PITPNC1: variants seen among roughly 807,000 people sequenced by gnomAD.
PITPNC1 encodes cytoplasmic phosphatidylinositol transfer protein 1.
PITPNC1 carries 18 observed loss-of-function variants against 44.7 expected under a neutral mutation model. The observed-to-expected ratio is 0.40, with a 90% CI of 0.28 to 0.60. The LOEUF (loss-of-function observed/expected upper bound fraction) is 0.60. Among genes scored for constraint, PITPNC1 ranks in the 20% least tolerant of loss-of-function variants. PITPNC1 has a pLI of 0.39. For synonymous variants in PITPNC1, 141 were observed against 149.6 expected (o/e 0.94, Z 0.42); for missense variants, 290 against 418.4 (o/e 0.69, Z 2.68).
chr17:67,562,267 G>A (rs762348657), intron 4 of PITPNC1, among the ~76,000 whole-genome samples: 32 of 152,148 alleles, frequency 2.1e-4, no homozygotes, highest in Non-Finnish European at 4.0e-4. Flanking sequence ...TGTAGGGTGC[G>A]GGCTGGTGAG....
intron 5 of PITPNC1, among the ~76,000 whole-genome samples, chr17:67,591,420 G>A (rs539911854): frequency 6.6e-6 from 1 of 152,282 alleles, no homozygotes; most frequent in African/African-American, 2.4e-5. Context: ...TTAGATAATA[G>A]TATTATATCA....
intron 5 of PITPNC1, among the ~76,000 whole-genome samples, chr17:67,587,267 G>A (rs1006143793): frequency 6.6e-5 from 10 of 151,458 alleles, no homozygotes; most frequent in Non-Finnish European, 1.0e-4. Context: ...CAGGAGGATC[G>A]CTTGCACCCA....
intron 4 of PITPNC1, among the ~76,000 whole-genome samples, chr17:67,575,029 G>A (rs2041119907): frequency 6.6e-6 from 1 of 151,938 alleles, no homozygotes; most frequent in Non-Finnish European, 1.5e-5. Context: ...AAATTCATGT[G>A]TTGGGCTAGC....
At chr17:67,635,151 T>C (rs1311948833) in intron 6 of PITPNC1, among the ~76,000 whole-genome samples, 2 of 152,154 alleles carry the variant, frequency 1.3e-5, no homozygotes, top group Admixed American at 6.5e-5. Flanking sequence ...AAAATATTGT[T>C]CTGGATGGAG....
chr17:67,410,510 A>T (rs766600837), intron 1 of PITPNC1, among the ~76,000 whole-genome samples: 2 of 152,012 alleles, frequency 1.3e-5, no homozygotes, highest in Non-Finnish European at 2.9e-5. Flanking sequence ...CAGCCTCCTG[A>T]GTAGCTGGGA....
intron 1 of PITPNC1, among the ~76,000 whole-genome samples, chr17:67,404,882 A>G (rs890561404): frequency 5.3e-5 from 8 of 152,002 alleles, no homozygotes; most frequent in East Asian, 3.9e-4. Flanking sequence ...AACTCCCTAT[A>G]GGAGCTTTTA....
chr17:67,422,560 T>C (rs1417339898), intron 1 of PITPNC1, among the ~76,000 whole-genome samples: 3 of 152,124 alleles, frequency 2.0e-5, no homozygotes, highest in Non-Finnish European at 4.4e-5. Context: ...TTTTTTTCTT[T>C]TTTTTGAGAC....
intron 6 of PITPNC1, among the ~76,000 whole-genome samples, chr17:67,657,010 A>G (rs1452630934): frequency 6.6e-6 from 1 of 152,210 alleles, no homozygotes; most frequent in Non-Finnish European, 1.5e-5. Flanking sequence ...AATGAGAAAG[A>G]AAATGACTTC....
chr17:67,469,133 G>T (rs2039475492), intron 1 of PITPNC1, among the ~76,000 whole-genome samples: 1 of 152,172 alleles, frequency 6.6e-6, no homozygotes, highest in South Asian at 2.1e-4. Flanking sequence ...CATACTAATT[G>T]TAATAAGACC....
intron 8 of PITPNC1, among the ~76,000 whole-genome samples, chr17:67,679,379 C>T (rs2042662025): frequency 1.3e-5 from 2 of 152,176 alleles, no homozygotes. Context: ...AAAGGTGCCC[C>T]TTCTGGGCAG....
intron 6 of PITPNC1, among the ~76,000 whole-genome samples, chr17:67,634,258 C>G (rs763927175): frequency 6.6e-6 from 1 of 152,150 alleles, no homozygotes; most frequent in Non-Finnish European, 1.5e-5. Flanking sequence ...TTTATGGAGT[C>G]CTCACTGAGT....
intron 1 of PITPNC1, among the ~76,000 whole-genome samples, chr17:67,425,192 C>T (rs1456763597): frequency 9.8e-5 from 4 of 40,914 alleles, no homozygotes; most frequent in Non-Finnish European, 1.8e-4. Flanking sequence ...GTTGTGCGCG[C>T]GCACGCACAC....
chr17:67,478,900 A>AAT (rs1346895570), intron 1 of PITPNC1, among the ~76,000 whole-genome samples: 4 of 150,112 alleles, frequency 2.7e-5, no homozygotes, highest in Non-Finnish European at 4.4e-5. Flanking sequence ...TTTTTTTTTT[A>AAT]ATATATATAT....
intron 6 of PITPNC1, among the ~76,000 whole-genome samples, chr17:67,655,274 T>C (rs1158393346): frequency 6.6e-6 from 1 of 151,940 alleles, no homozygotes. Context: ...AGAGCACTAA[T>C]TGGGCCGGGC....
chr17:67,406,180 G>A (rs1014989853), intron 1 of PITPNC1, among the ~76,000 whole-genome samples: 3 of 151,976 alleles, frequency 2.0e-5, no homozygotes, highest in Non-Finnish European at 4.4e-5. Context: ...TTGCCGGGCT[G>A]GAGTACAGTG....
intron 1 of PITPNC1, among the ~76,000 whole-genome samples, chr17:67,518,868 A>G (rs1185848438): frequency 2.6e-5 from 4 of 152,168 alleles, no homozygotes; most frequent in Non-Finnish European, 5.9e-5. Flanking sequence ...ACTTGAGCCC[A>G]GGAGTTTGAG....
intron 1 of PITPNC1, among the ~76,000 whole-genome samples, chr17:67,394,134 G>A (rs1458622499): frequency 6.6e-6 from 1 of 151,904 alleles, no homozygotes; most frequent in African/African-American, 2.4e-5. Context: ...CACCATGCCC[G>A]ACCCATCTTA....
At chr17:67,572,286 C>T (rs947630933) in intron 4 of PITPNC1, among the ~76,000 whole-genome samples, 19 of 151,964 alleles carry the variant, frequency 1.3e-4, no homozygotes, top group African/African-American at 3.9e-4. Flanking sequence ...TAGGGAACAG[C>T]GCATATTTTG....
chr17:67,558,632 A>G (rs1198796839), intron 4 of PITPNC1, among the ~76,000 whole-genome samples: 1 of 152,168 alleles, frequency 6.6e-6, no homozygotes, highest in Non-Finnish European at 1.5e-5. Flanking sequence ...GTTGGCGTAT[A>G]TATTTTGCGA....
Sources: gnomAD v4.1 joint callset for allele counts (sites outside exome capture counted in the v4.1 genomes callset) on GRCh38, gnomAD v4.1.1 for gene constraint, MANE v1.5 for transcripts, NCBI Gene and HGNC (gene_info 2026-07-23, HGNC 2026-07-21) for gene names.